NCALD: variants seen among roughly 807,000 people sequenced by gnomAD.
NCALD encodes neurocalcin-delta.
In NCALD, 10 loss-of-function variants were observed where a neutral mutation model predicts 18.6. The observed-to-expected ratio is 0.54, with a 90% CI of 0.33 to 0.91. The LOEUF (loss-of-function observed/expected upper bound fraction) is 0.91. NCALD is among the 40% of genes least tolerant of loss of function. The probability of loss-of-function intolerance (pLI) is 0.03; values close to 1 mark genes in which losing one functional copy is unlikely to be tolerated. For synonymous variants in NCALD, 88 were observed against 87.4 expected (o/e 1.01, Z -0.04); for missense variants, 184 against 247.6 (o/e 0.74, Z 1.72).
At chr8:102,033,194 C>G (rs1018669654) in intron 1 of NCALD, among the ~76,000 whole-genome samples, 2 of 152,142 alleles carry the variant, frequency 1.3e-5, no homozygotes, top group Non-Finnish European at 2.9e-5. Flanking sequence ...CAGCAATTGA[C>G]TTGCAGCCAC....
intron 1 of NCALD, among the ~76,000 whole-genome samples, chr8:102,075,843 C>T (rs1433884824): frequency 1.3e-5 from 2 of 151,884 alleles, no homozygotes; most frequent in African/African-American, 4.8e-5. Flanking sequence ...ATCCCAGCTA[C>T]CCAGGAGGCT....
intron 2 of NCALD, among the ~76,000 whole-genome samples, chr8:101,952,850 G>A (rs1001869411): frequency 3.9e-5 from 6 of 152,176 alleles, no homozygotes; most frequent in Admixed American, 2.6e-4. Context: ...TTCTCTGCCC[G>A]GCTTGCCAAC....
intron 1 of NCALD, among the ~76,000 whole-genome samples, chr8:101,769,573 G>T (rs1243653465): frequency 6.6e-6 from 1 of 151,624 alleles, no homozygotes; most frequent in Admixed American, 6.6e-5. Context: ...ACTAAAACCA[G>T]CAGGCATGAT....
intron 2 of NCALD, among the ~76,000 whole-genome samples, chr8:101,978,813 A>G (rs1400200078): frequency 1.3e-5 from 2 of 152,226 alleles, no homozygotes; most frequent in East Asian, 1.9e-4. Context: ...AGGGAGGAAG[A>G]AAGCAAGAAA....
chr8:102,107,195 CATAT>C (rs67447416), intron 1 of NCALD, among the ~76,000 whole-genome samples: 5,330 of 88,894 alleles, frequency 0.06, 138 homozygotes, highest in East Asian at 0.086. Flanking sequence ...TATGTGTGTA[CATAT>C]ATATATATAT....
chr8:101,834,081 G>A (rs1476298475), intron 4 of NCALD, among the ~76,000 whole-genome samples: 1 of 152,228 alleles, frequency 6.6e-6, no homozygotes, highest in Admixed American at 6.5e-5. Context: ...TAGAAAGAGA[G>A]TCCATGATGA....
At chr8:102,024,977 G>A (rs1365844460) in intron 1 of NCALD, among the ~76,000 whole-genome samples, 1 of 152,038 alleles carries the variant, frequency 6.6e-6, no homozygotes, top group Non-Finnish European at 1.5e-5. Context: ...CAAACCAATT[G>A]CTCCCCATCC....
chr8:101,899,795 C>G (rs1351589825), intron 3 of NCALD, among the ~76,000 whole-genome samples: 1 of 151,858 alleles, frequency 6.6e-6, no homozygotes, highest in Non-Finnish European at 1.5e-5. Context: ...TTAGGATTCT[C>G]ACATCTATCT....
chr8:101,804,459 A>T (rs1250159060), intron 4 of NCALD, among the ~76,000 whole-genome samples: 1 of 129,024 alleles, frequency 7.8e-6, no homozygotes, highest in East Asian at 2.0e-4. Context: ...TTAATTATAT[A>T]ATATATAACA....
rs908496659 is a variant in NCALD, at chr8:101,989,869, G to A, written c.-157+30368C>T. Among the ~76,000 whole-genome samples the A allele has an allele frequency of 3.9e-5, 6 of 152,168 alleles. No homozygotes were observed. The East Asian group carries it at 1.2e-3, about 29-fold the overall frequency. ...ACAGAAATGATAAGAAAAAGAATTT[G>A]CATTCATTTTCAGGTTTTGAAGCTT... is the stretch of plus-strand genomic sequence containing the variant. On this transcript the variant is annotated intron_variant, in intron 2 of 6. Coordinates refer to the NCALD transcript ENST00000311028.
intron 4 of NCALD, among the ~76,000 whole-genome samples, chr8:101,883,365 C>G (rs1816558344): frequency 6.6e-6 from 1 of 152,058 alleles, no homozygotes; most frequent in South Asian, 2.1e-4. Context: ...GAAAATAAAA[C>G]CAAAGAAATA....
intron 4 of NCALD, among the ~76,000 whole-genome samples, chr8:101,831,720 C>T (rs941217476): frequency 1.3e-5 from 2 of 152,066 alleles, no homozygotes; most frequent in Non-Finnish European, 2.9e-5. Flanking sequence ...CCCTTCTACC[C>T]AGGGTCATCT....
Position 101,880,559 on chromosome 8 carries a change from C to CT in NCALD, c.-20+6581dup, listed in dbSNP as rs201203000. On this transcript the variant is annotated intron_variant, in intron 4 of 6. Coordinates refer to the NCALD transcript ENST00000311028. ...GAGGGCTGTGAGGGCTGCCAGCACGCTGTCACCTCTCACTGGTAGTCACAG... is the reference window on the plus strand; with the variant it reads ...GAGGGCTGTGAGGGCTGCCAGCACGCTTGTCACCTCTCACTGGTAGTCACAG... Among the ~76,000 whole-genome samples, 219 of 152,342 alleles carry CT rather than the reference C, an allele frequency of 1.4e-3. 1 individual carries two copies. In the East Asian group the frequency reaches 0.038, roughly 27 times the overall value.
At chr8:101,892,026 C>G (rs1272786548) in intron 3 of NCALD, among the ~76,000 whole-genome samples, 2 of 152,136 alleles carry the variant, frequency 1.3e-5, no homozygotes, top group African/African-American at 2.4e-5. Flanking sequence ...TCAAGGAGGC[C>G]TGGCTGCCTC....
intron 4 of NCALD, among the ~76,000 whole-genome samples, chr8:101,861,497 CAT>C (rs1181671667): frequency 6.6e-6 from 1 of 151,540 alleles, no homozygotes; most frequent in Non-Finnish European, 1.5e-5. Flanking sequence ...ACCTGGAAGA[CAT>C]AGTTTGAGCA....
At chr8:101,719,731 G>A in intron 1 of NCALD, 83 bp from the exon 2 acceptor site, 1 of 1,329,452 alleles carries the variant, frequency 7.5e-7, no homozygotes, top group Non-Finnish European at 1.0e-6. Flanking sequence ...GTTCCTTTGG[G>A]AAGAAGAAAA....
chr8:102,092,242 A>G (rs1234283273), intron 1 of NCALD, among the ~76,000 whole-genome samples: 1 of 152,236 alleles, frequency 6.6e-6, no homozygotes, highest in Non-Finnish European at 1.5e-5. Context: ...CTTACTCTGT[A>G]TGGTCTACAA....
intron 1 of NCALD, among the ~76,000 whole-genome samples, chr8:102,031,405 G>T (rs1206601277): frequency 1.3e-5 from 2 of 152,182 alleles, no homozygotes; most frequent in African/African-American, 4.8e-5. Flanking sequence ...TCCAGGTAAT[G>T]GTTATTTATG....
At chr8:102,052,205 T>A (rs1823480372) in intron 1 of NCALD, among the ~76,000 whole-genome samples, 1 of 152,242 alleles carries the variant, frequency 6.6e-6, no homozygotes, top group African/African-American at 2.4e-5. Context: ...GTTCTTCTGA[T>A]GTGTTGATAA....
Sources: allele counts gnomAD v4.1 joint callset (sites outside exome capture counted in the v4.1 genomes callset), GRCh38; gene constraint gnomAD v4.1.1; transcripts MANE v1.5; gene names NCBI Gene and HGNC (gene_info 2026-07-23, HGNC 2026-07-21).